Variants in ERBB4 observed in about 807,000 individuals in gnomAD.
The protein encoded by ERBB4 is erb-b2 receptor tyrosine kinase 4, also known as receptor tyrosine-protein kinase erbB-4.
In ERBB4, 42 loss-of-function variants were observed where a neutral mutation model predicts 158.0. The observed-to-expected ratio is 0.27, with a 90% CI of 0.21 to 0.34. The LOEUF is 0.34. Ranked by LOEUF, ERBB4 falls within the 10% of genes least tolerant of loss-of-function variation. The probability of loss-of-function intolerance (pLI) is 1.00; values close to 1 mark genes in which losing one functional copy is unlikely to be tolerated. For missense variants in ERBB4, 1,333 were observed against 1,624.1 expected, an observed-to-expected ratio of 0.82 and a Z score of 3.08; for synonymous variants, 583 against 558.7, an observed-to-expected ratio of 1.04 and a Z score of -0.61.
chr2:211,689,916 C>T (rs2072731575), intron 12 of ERBB4, among the ~76,000 whole-genome samples: 1 of 151,552 alleles, frequency 6.6e-6, no homozygotes, highest in Non-Finnish European at 1.5e-5. Context: ...TGTCACGAGT[C>T]TCTCCGTATT....
At chr2:212,262,451 A>C (rs1276552377) in intron 1 of ERBB4, among the ~76,000 whole-genome samples, 1 of 152,140 alleles carries the variant, frequency 6.6e-6, no homozygotes, top group Non-Finnish European at 1.5e-5. Flanking sequence ...TATTATGAAG[A>C]GAAGTACTAT....
intron 19 of ERBB4, among the ~76,000 whole-genome samples, chr2:211,574,648 C>T (rs1346609887): frequency 6.6e-6 from 1 of 152,106 alleles, no homozygotes; most frequent in Non-Finnish European, 1.5e-5. Flanking sequence ...CTGTAATGTG[C>T]TATAAAGAAG....
At chr2:212,504,092 T>C (rs534970196) in intron 1 of ERBB4, among the ~76,000 whole-genome samples, 3 of 152,302 alleles carry the variant, frequency 2.0e-5, no homozygotes, top group East Asian at 1.9e-4. Flanking sequence ...GAGACGAGTA[T>C]TGACTAATTT....
chr2:211,527,013 T>C (rs1344342765), intron 20 of ERBB4, among the ~76,000 whole-genome samples: 1 of 152,012 alleles, frequency 6.6e-6, no homozygotes, highest in Non-Finnish European at 1.5e-5. Flanking sequence ...GAGAAAAAAT[T>C]ATGGGTAGAA....
intron 5 of ERBB4, among the ~76,000 whole-genome samples, chr2:211,736,042 A>G (rs999087107): frequency 6.6e-6 from 1 of 152,012 alleles, no homozygotes; most frequent in Non-Finnish European, 1.5e-5. Flanking sequence ...GTGCACCTGT[A>G]GTCCTAGCTG....
At chr2:212,500,511 ATTT>A (rs61125371) in intron 1 of ERBB4, among the ~76,000 whole-genome samples, 1 of 150,618 alleles carries the variant, frequency 6.6e-6, no homozygotes, top group Non-Finnish European at 1.5e-5. Flanking sequence ...CTAACATTTA[ATTT>A]TTTTTTTCAT....
At chr2:212,060,980 A>G (rs1356890691) in intron 2 of ERBB4, among the ~76,000 whole-genome samples, 1 of 151,102 alleles carries the variant, frequency 6.6e-6, no homozygotes, top group African/African-American at 2.4e-5. Flanking sequence ...TAAATAAATA[A>G]ATAAATAAAT....
intron 19 of ERBB4, among the ~76,000 whole-genome samples, chr2:211,568,987 G>A (rs1185161712): frequency 6.6e-6 from 1 of 152,134 alleles, no homozygotes; most frequent in Non-Finnish European, 1.5e-5. Context: ...TGGGTAAATA[G>A]GTGAGCAGTA....
chr2:212,021,386 G>T (rs527626859), intron 2 of ERBB4, among the ~76,000 whole-genome samples: 112 of 152,138 alleles, frequency 7.4e-4, no homozygotes, highest in Non-Finnish European at 1.4e-3. Context: ...TAGACCAATG[G>T]AACAGAATAG....
intron 19 of ERBB4, among the ~76,000 whole-genome samples, chr2:211,596,764 T>TA (rs1322201454): frequency 1.3e-5 from 2 of 151,792 alleles, no homozygotes; most frequent in Admixed American, 6.6e-5. Flanking sequence ...TTTACCCACT[T>TA]ACTCTTTTTT....
intron 6 of ERBB4, among the ~76,000 whole-genome samples, chr2:211,724,686 T>A (rs894348708): frequency 6.6e-6 from 1 of 152,154 alleles, no homozygotes; most frequent in Non-Finnish European, 1.5e-5. Context: ...CATAAGTATA[T>A]CTTCTATAAT....
At chr2:211,628,314 C>T (rs370142171) in intron 17 of ERBB4, among the ~76,000 whole-genome samples, 2 of 152,286 alleles carry the variant, frequency 1.3e-5, no homozygotes, top group African/African-American at 2.4e-5. Context: ...GCTATCCCTC[C>T]CCACTTGCCT....
chr2:211,776,465 G>T (rs1310850544), intron 4 of ERBB4, among the ~76,000 whole-genome samples: 1 of 152,016 alleles, frequency 6.6e-6, no homozygotes, highest in Non-Finnish European at 1.5e-5. Flanking sequence ...CTTTTAATCT[G>T]GGTGATCTAG....
At chr2:212,304,645 G>C (rs1485340394) in intron 1 of ERBB4, among the ~76,000 whole-genome samples, 1 of 151,446 alleles carries the variant, frequency 6.6e-6, no homozygotes, top group Non-Finnish European at 1.5e-5. Context: ...AACTGGACCA[G>C]AATCTAATGA....
intron 23 of ERBB4, among the ~76,000 whole-genome samples, chr2:211,422,997 A>T (rs1450139915): frequency 6.6e-6 from 1 of 151,742 alleles, no homozygotes; most frequent in Non-Finnish European, 1.5e-5. Context: ...CTATTCTGGG[A>T]ATTTTTTGGG....
At chr2:211,515,912 A>ATATATATATATTTT (rs35696520) in intron 20 of ERBB4, among the ~76,000 whole-genome samples, 1 of 78,976 alleles carries the variant, frequency 1.3e-5, no homozygotes, top group African/African-American at 5.7e-5. Context: ...ATATATATAT[A>ATATATATATATTTT]TTTTTTTTTT....
Position 211,813,702 on chromosome 2 carries a change from A to C in ERBB4, c.422-25543T>G, listed in dbSNP as rs2105922774. ...AAGACATGTAGAAATTAACTGACTT[A>C]CTTCAAGAAAGACAGGACAGTAAAC... On this transcript the variant is annotated intron_variant, in intron 3 of 27. Transcript: ENST00000342788. Among the ~76,000 whole-genome samples, 2 of 152,284 alleles carry C rather than the reference A, an allele frequency of 1.3e-5. 1 individual carries two copies. Among genetic ancestry groups the C allele is most frequent in the South Asian group, 4.1e-4 (2 of 4,826 alleles).
intron 16 of ERBB4, among the ~76,000 whole-genome samples, chr2:211,647,498 C>T (rs1487924658): frequency 6.6e-6 from 1 of 151,574 alleles, no homozygotes; most frequent in African/African-American, 2.4e-5. Flanking sequence ...CACAGGATGA[C>T]TAATTTAGCA....
intron 19 of ERBB4, among the ~76,000 whole-genome samples, chr2:211,567,625 T>C (rs977351275): frequency 7.2e-5 from 11 of 152,148 alleles, no homozygotes; most frequent in South Asian, 2.1e-4. Flanking sequence ...GCTCTCTTTT[T>C]AAAAATCTGT....
Sources: allele counts gnomAD v4.1 joint callset (sites outside exome capture counted in the v4.1 genomes callset), GRCh38; gene constraint gnomAD v4.1.1; transcripts MANE v1.5; gene names NCBI Gene and HGNC (gene_info 2026-07-23, HGNC 2026-07-21).